KLF12: variants seen among roughly 807,000 people sequenced by gnomAD.
KLF12 encodes the protein KLF transcription factor 12, also known as Krueppel-like factor 12.
KLF12 carries 9 observed loss-of-function variants against 37.8 expected under a neutral mutation model. The observed-to-expected ratio is 0.24, with a 90% CI of 0.14 to 0.42. KLF12 has a LOEUF of 0.42. KLF12 is among the 10% of genes least tolerant of loss of function. The probability of loss-of-function intolerance (pLI) is 1.00; values close to 1 mark genes in which losing one functional copy is unlikely to be tolerated. For missense variants in KLF12, 411 were observed against 516.0 expected (o/e 0.80, Z 1.97); for synonymous variants, 208 against 202.1 (o/e 1.03, Z -0.25).
chr13:73,818,147 T>TATTTATTTATTTA (rs1566391370), intron 4 of KLF12, among the ~76,000 whole-genome samples: 2,759 of 151,674 alleles, frequency 0.018, 77 homozygotes, highest in African/African-American at 0.063. Context: ...ACTTATTTAT[T>TATTTATTTATTTA]TTTATTTATT....
At chr13:73,962,770 A>G (rs1395353233) in intron 2 of KLF12, among the ~76,000 whole-genome samples, 1 of 152,218 alleles carries the variant, frequency 6.6e-6, no homozygotes, top group Non-Finnish European at 1.5e-5. Flanking sequence ...AAATAAATGG[A>G]CAATTCGATA....
chr13:73,975,298 G>T (rs9543503), intron 2 of KLF12, among the ~76,000 whole-genome samples: 122,336 of 152,108 alleles, frequency 0.8, 50,503 homozygotes, highest in Non-Finnish European at 0.91. Context: ...TAAACTATAT[G>T]TGTTGTAATT....
chr13:73,812,711 C>T lies in KLF12; in HGVS notation c.806+441G>A, dbSNP rs773864001. On this transcript the variant is annotated intron_variant, in intron 5 of 7. Transcript: ENST00000377669. ...ATTTAAAAATAACATATGAGTACTA[C>T]TTTTCAAAGGATGAACATATTATTT... Among the ~76,000 whole-genome samples, 23 of 152,176 alleles carry T rather than the reference C, an allele frequency of 1.5e-4. No individual in the cohort carries two copies. The East Asian group carries it at 4.4e-3, about 29-fold the overall frequency.
the KLF12 span, among the ~76,000 whole-genome samples, chr13:74,194,008 T>C: frequency 7.9e-5 from 12 of 152,164 alleles, no homozygotes; most frequent in African/African-American, 2.7e-4. Flanking sequence ...GGTTTGGATA[T>C]ATATTTGTTG....
intron 1 of KLF12, among the ~76,000 whole-genome samples, chr13:74,133,511 G>A (rs570357548): frequency 1.3e-5 from 2 of 151,852 alleles, no homozygotes; most frequent in Non-Finnish European, 2.9e-5. Context: ...CCACGAATCC[G>A]ACCGACGCTA....
At position 73,693,681 on chromosome 13, in the gene KLF12, G is replaced by A. The variant is rs1873943122; in HGVS notation, c.*1809C>T. ...TGTCCAGACATTTAAAAATGAGCTA[G>A]TAATATTGTGAGGTTAATATGTGCA... On this transcript the variant is annotated 3_prime_UTR_variant, in exon 8 of 8. Coordinates refer to ENST00000377669, the MANE Select transcript of KLF12 (RefSeq NM_007249.5). 1 of 152,592 alleles carries A rather than the reference G, an allele frequency of 6.6e-6. No individual in the cohort carries two copies. 9.5% of individuals were successfully genotyped at this position (152,592 alleles called of 1,614,324 possible).
chr13:73,792,434 G>C (rs1356627839), intron 5 of KLF12, among the ~76,000 whole-genome samples: 1 of 152,134 alleles, frequency 6.6e-6, no homozygotes, highest in South Asian at 2.1e-4. Context: ...GTTTCAATTA[G>C]AGAGTGTAAA....
chr13:73,738,920 T>G (rs780989025), intron 6 of KLF12, among the ~76,000 whole-genome samples: 2 of 152,112 alleles, frequency 1.3e-5, no homozygotes, highest in Non-Finnish European at 2.9e-5. Context: ...TGCCTCAGTT[T>G]CCTTTCTATA....
chr13:73,851,303 G>A lies in KLF12; in HGVS notation c.124-4930C>T, dbSNP rs146696718. Among the ~76,000 whole-genome samples, 270 of 152,270 alleles carry A rather than the reference G, an allele frequency of 1.8e-3. 1 individual carries two copies. The highest frequency in any genetic ancestry group is 3.4e-3 in the Middle Eastern group (1 of 294). On this transcript the variant is annotated intron_variant, in intron 3 of 7. Transcript: ENST00000377669. ...AGAATCTCATAAATACAGTCATTGCGGAGGCACAGTGTTTACTGAACCAAA... is the reference window on the plus strand; with the variant it reads ...AGAATCTCATAAATACAGTCATTGCAGAGGCACAGTGTTTACTGAACCAAA...
chr13:74,005,841 T>C (rs1394968132), intron 1 of KLF12, among the ~76,000 whole-genome samples: 1 of 152,200 alleles, frequency 6.6e-6, no homozygotes, highest in Non-Finnish European at 1.5e-5. Flanking sequence ...GGTGTTATTG[T>C]ATTTACCCAT....
chr13:73,922,621 T>A (rs1213322737), intron 3 of KLF12, among the ~76,000 whole-genome samples: 1 of 152,134 alleles, frequency 6.6e-6, no homozygotes, highest in Non-Finnish European at 1.5e-5. Context: ...GATAATGGAA[T>A]GAGAATTCTC....
chr13:73,797,080 C>T (rs532949177), intron 5 of KLF12, among the ~76,000 whole-genome samples: 1 of 152,152 alleles, frequency 6.6e-6, no homozygotes. Flanking sequence ...TCAGATCTTA[C>T]ATGAGAGTAT....
chr13:73,794,422 T>C (rs1881852387), intron 5 of KLF12, among the ~76,000 whole-genome samples: 1 of 152,218 alleles, frequency 6.6e-6, no homozygotes, highest in Non-Finnish European at 1.5e-5. Flanking sequence ...ATTGCGCCAC[T>C]GCACTCCAGC....
intron 2 of KLF12, among the ~76,000 whole-genome samples, chr13:73,974,683 T>A (rs2138133466): frequency 6.6e-6 from 1 of 152,306 alleles, no homozygotes; most frequent in South Asian, 2.1e-4. Context: ...TTAAGTCAAT[T>A]GGAACTTAGA....
At chr13:74,020,817 G>C (rs745632315) in intron 1 of KLF12, among the ~76,000 whole-genome samples, 3 of 151,886 alleles carry the variant, frequency 2.0e-5, no homozygotes, top group African/African-American at 7.3e-5. Flanking sequence ...CGTGAACCCG[G>C]GAGGCGGAGC....
At chr13:73,805,234 ATTT>A (rs1220574984) in intron 5 of KLF12, among the ~76,000 whole-genome samples, 1 of 151,962 alleles carries the variant, frequency 6.6e-6, no homozygotes, top group Non-Finnish European at 1.5e-5. Flanking sequence ...TAACAGCTGA[ATTT>A]TTTTTATGTA....
chr13:74,162,952 C>T, the KLF12 span, among the ~76,000 whole-genome samples: 1 of 151,900 alleles, frequency 6.6e-6, no homozygotes, highest in Non-Finnish European at 1.5e-5. Flanking sequence ...TACTCAAGTC[C>T]AGTGAGTTTA....
the KLF12 span, among the ~76,000 whole-genome samples, chr13:74,247,595 G>A: frequency 6.6e-6 from 1 of 152,266 alleles, no homozygotes; most frequent in Non-Finnish European, 1.5e-5. Flanking sequence ...CAAGGTGTAA[G>A]AAATTAGAGT....
At chr13:73,800,009 T>C (rs1294902735) in intron 5 of KLF12, 1 of 152,182 alleles carries the variant, frequency 6.6e-6, no homozygotes, top group Admixed American at 6.5e-5. Context: ...GTCACTATCG[T>C]AGCCCATAGC....
Sources: gnomAD v4.1 joint callset for allele counts (sites outside exome capture counted in the v4.1 genomes callset) on GRCh38, gnomAD v4.1.1 for gene constraint, MANE v1.5 for transcripts, NCBI Gene and HGNC (gene_info 2026-07-23, HGNC 2026-07-21) for gene names.